The following MTOR variants were observed in gnomAD, a reference collection of about 807,000 sequenced individuals.
The protein encoded by MTOR is mechanistic target of rapamycin kinase, also known as serine/threonine-protein kinase mTOR.
MTOR carries 70 observed loss-of-function variants against 319.8 expected under a neutral mutation model. The ratio of observed to expected loss-of-function variants is 0.22; its 90% CI spans 0.18 to 0.27. The LOEUF is 0.27. MTOR is among the 10% of genes least tolerant of loss of function. The probability of loss-of-function intolerance (pLI) is 1.00; values close to 1 mark genes in which losing one functional copy is unlikely to be tolerated. For synonymous variants in MTOR, 1,183 were observed against 1,211.4 expected, an observed-to-expected ratio of 0.98 and a Z score of 0.49; for missense variants, 1,890 against 3,274.4, an observed-to-expected ratio of 0.58 and a Z score of 10.32.
At chr1:11,226,919 ACCCCCGCCCCCG>A (rs1171941123) in intron 19 of MTOR, among the ~76,000 whole-genome samples, 5 of 60,930 alleles carry the variant, frequency 8.2e-5, no homozygotes, top group African/African-American at 1.3e-4. Context: ...TCTTCCCCCC[ACCCCCGCCCCCG>A]CCCCCGCCCA....
At chr1:11,122,742 C>T (rs1472776940) in intron 47 of MTOR, among the ~76,000 whole-genome samples, 2 of 152,000 alleles carry the variant, frequency 1.3e-5, no homozygotes, top group Non-Finnish European at 2.9e-5. Context: ...CTCCTGACCT[C>T]GTGATCCACC....
chr1:11,130,694 TTTC>T lies in MTOR; in HGVS notation c.5445_5447del (p.Lys1816del), dbSNP rs767860672. 23 of 1,608,894 alleles carry T rather than the reference TTTC, an allele frequency of 1.4e-5. No individual in the cohort carries two copies. The Admixed American group carries it at 1.9e-4, about 13-fold the overall frequency. On this transcript the variant is annotated inframe_deletion, in exon 39 of 58. Transcript: ENST00000361445. ...TGTTGGCCCCGCTGGCATGACGCAG[TTTC>T]TTCTTCTCATCGCGGGCTTGGTTCT...
intron 38 of MTOR, chr1:11,131,891 AGATT>A (rs1643179686): frequency 6.6e-6 from 1 of 152,256 alleles, no homozygotes; most frequent in East Asian, 1.9e-4. Flanking sequence ...TAAGGAGAAT[AGATT>A]GATCACAACT....
intron 28 of MTOR, among the ~76,000 whole-genome samples, chr1:11,176,151 T>C (rs1428273026): frequency 6.6e-6 from 1 of 152,174 alleles, no homozygotes; most frequent in African/African-American, 2.4e-5. Flanking sequence ...TCTAAACGCC[T>C]TTCCTGCCAC....
chr1:11,249,763 G>C (rs1649361263), intron 6 of MTOR, among the ~76,000 whole-genome samples: 1 of 146,098 alleles, frequency 6.8e-6, no homozygotes, highest in Non-Finnish European at 1.5e-5. Context: ...AGGATCCCAA[G>C]GCAGAAGAAT....
rs765940745 is a variant in MTOR, at chr1:11,124,554, G to A, written c.6606C>T (p.Phe2202=). 64 of 1,612,622 alleles carry A rather than the reference G, an allele frequency of 4.0e-5. No individual in the cohort carries two copies. Among genetic ancestry groups the A allele is most frequent in the African/African-American group, 9.3e-5 (7 of 74,914 alleles). The change falls in exon 47 of 58, where the codon TTC becomes TTT. Residue 2202 remains phenylalanine (F), a synonymous_variant. Coordinates refer to ENST00000361445, the MANE Select transcript of MTOR (RefSeq NM_004958.4). ...TGGCCAGAAGGGTGTTAACCAGGCC[G>A]AAGAGCTGCATCACACGCTCATCCT... The part of the protein sequence containing the change: ...LRQDERVMQL[F]GLVNTLLAND...
At chr1:11,139,142 T>C (rs1027834041) in intron 36 of MTOR, 162 bp downstream of exon 36, 11 of 939,006 alleles carry the variant, frequency 1.2e-5, no homozygotes, top group Non-Finnish European at 1.8e-5. Flanking sequence ...ATTCACTCTA[T>C]GAAATCAGGC....
intron 28 of MTOR, among the ~76,000 whole-genome samples, chr1:11,181,871 C>T (rs1347507745): frequency 6.6e-6 from 1 of 152,184 alleles, no homozygotes; most frequent in African/African-American, 2.4e-5. Context: ...ATAAGAGAAA[C>T]ATGTTCTTTG....
intron 26 of MTOR, among the ~76,000 whole-genome samples, chr1:11,201,872 T>C (rs4845854): frequency 0.59 from 89,058 of 152,100 alleles, 29,205 homozygotes; most frequent in East Asian, 0.85. Flanking sequence ...AGGGGCACGA[T>C]TGTGGCTCTC....
intron 47 of MTOR, among the ~76,000 whole-genome samples, chr1:11,123,787 CTTTAG>C (rs1292242079): frequency 1.3e-5 from 2 of 150,398 alleles, no homozygotes; most frequent in South Asian, 4.2e-4. Flanking sequence ...TTTTTCCTTA[CTTTAG>C]TTATTTATTT....
At position 11,212,452 on chromosome 1, in the gene MTOR, G is replaced by A. The variant is rs758202360; in HGVS notation, c.3421C>T (p.Arg1141Cys). The A allele has an allele frequency of 4.3e-6, 7 of 1,613,850 alleles. No individual in the cohort carries two copies. The African/African-American group carries it at 5.3e-5, about 12-fold the overall frequency. ...SRKAALETVD[R>C]LTESLDFTDY... is the part of the protein sequence containing the mutation. Reference sequence around the variant, plus strand: ...GTGAAATCCAGGGACTCCGTCAGGCGGTCCACAGTCTCTAGCGCTGCCCTA... The same window carrying A: ...GTGAAATCCAGGGACTCCGTCAGGCAGTCCACAGTCTCTAGCGCTGCCCTA... Residue 1141 changes from arginine (R) to cysteine (C), a missense_variant, in exon 23 of 58, where the codon CGC becomes TGC. By Grantham distance (180) the Arg-to-Cys change is radical. Transcript: ENST00000361445. The surrounding 1 kb of genome is among the most constrained non-coding windows in gnomAD (Gnocchi z 4.1).
Position 11,133,008 on chromosome 1 carries a change from T to TA in MTOR, c.5364+71dup. On this transcript the variant is annotated intron_variant, in intron 38 of 57. Coordinates refer to ENST00000361445, the MANE Select transcript of MTOR (RefSeq NM_004958.4). The surrounding 1 kb of genome is among the most constrained non-coding windows in gnomAD (Gnocchi z 4.0). The stretch of plus-strand genomic sequence containing the variant: ...GCCTAGCTCCGCAGAAGCTCAGCTG[T>TA]AACCACGAGCACACAGGAGGACACG... The TA allele has an allele frequency of 7.6e-7, 1 of 1,318,052 alleles. No homozygotes were observed. The highest frequency in any genetic ancestry group is 1.1e-6 in the Non-Finnish European group (1 of 916,062). The allele number at this position is 1,318,052 out of a possible 1,614,324, so 81.6% of individuals were successfully genotyped here. A position where few individuals can be genotyped will look rare whatever the true frequency, so the allele number is the denominator to read the frequency against.
intron 28 of MTOR, among the ~76,000 whole-genome samples, chr1:11,187,297 G>A (rs1336043886): frequency 7.5e-6 from 1 of 133,674 alleles, no homozygotes; most frequent in Admixed American, 8.4e-5. Context: ...TGGTTTCGTG[G>A]AAGACAATTT....
intron 30 of MTOR, among the ~76,000 whole-genome samples, chr1:11,155,256 TG>T (rs1474755412): frequency 6.6e-6 from 1 of 152,168 alleles, no homozygotes; most frequent in Non-Finnish European, 1.5e-5. Flanking sequence ...GGTGCTGATA[TG>T]GAACAGTGGC....
At chr1:11,197,966 A>ATTT (rs1166841316) in intron 28 of MTOR, among the ~76,000 whole-genome samples, 1 of 152,160 alleles carries the variant, frequency 6.6e-6, no homozygotes, top group Non-Finnish European at 1.5e-5. Context: ...CTCTGACTAT[A>ATTT]TTTTTCTGCT....
At chr1:11,219,598 A>G (rs374892222) in intron 19 of MTOR, among the ~76,000 whole-genome samples, 169 of 152,302 alleles carry the variant, frequency 1.1e-3, no homozygotes, top group African/African-American at 3.9e-3. Context: ...CGAAATTATA[A>G]AACACGTGAG....
chr1:11,155,495 C>G (rs1020392647), intron 30 of MTOR, among the ~76,000 whole-genome samples: 2 of 152,166 alleles, frequency 1.3e-5, no homozygotes, highest in African/African-American at 4.8e-5. Context: ...TTTTGACCTT[C>G]CCCTGAAGGA....
chr1:11,261,073 TGA>T (rs1651061044), intron 1 of MTOR, among the ~76,000 whole-genome samples: 1 of 151,962 alleles, frequency 6.6e-6, no homozygotes, highest in Admixed American at 6.6e-5. Context: ...ATTACAGGTG[TGA>T]GCCACCATGC....
At position 11,126,624 on chromosome 1, in the gene MTOR, A is replaced by G. The variant is rs1024737469; in HGVS notation, c.6524T>C (p.Met2175Thr). Reference sequence around the variant, plus strand: ...CAGAAGTGCACAATGGTCCTTACCCATAAGTGTCAATTTCCGGGGCCTCTG... The same window carrying G: ...CAGAAGTGCACAATGGTCCTTACCCGTAAGTGTCAATTTCCGGGGCCTCTG... The part of the protein sequence containing the change: ...SKQRPRKLTL[M>T]GSNGHEFVFL... The change falls in exon 46 of 58, where the codon ATG becomes ACG. Residue 2175 changes from methionine (M) to threonine (T), a missense_variant and splice_region_variant. Coordinates refer to ENST00000361445, the MANE Select transcript of MTOR (RefSeq NM_004958.4). 8 of 1,613,916 alleles carry G rather than the reference A, an allele frequency of 5.0e-6. No homozygotes were observed. The highest frequency in any genetic ancestry group is 2.2e-5 in the East Asian group (1 of 44,876).
Sources: allele counts gnomAD v4.1 joint callset (sites outside exome capture counted in the v4.1 genomes callset), GRCh38; gene constraint gnomAD v4.1.1; non-coding constraint Gnocchi (gnomAD v3.1); transcripts MANE v1.5; gene names NCBI Gene and HGNC (gene_info 2026-07-23, HGNC 2026-07-21).